Variants in PPM1E observed in about 807,000 individuals in gnomAD.
The protein encoded by PPM1E is protein phosphatase 1E.
PPM1E carries 20 observed loss-of-function variants against 65.9 expected under a neutral mutation model. The observed-to-expected ratio is 0.30, with a 90% confidence interval of 0.21 to 0.44. The LOEUF is 0.44. Among genes scored for constraint, PPM1E ranks in the 20% least tolerant of loss-of-function variants. PPM1E has a pLI of 1.00. For synonymous variants in PPM1E, 352 were observed against 374.9 expected (o/e 0.94, Z 0.70); for missense variants, 713 against 953.1 (o/e 0.75, Z 3.32).
intron 1 of PPM1E, among the ~76,000 whole-genome samples, chr17:58,889,382 C>T (rs1167414910): frequency 2.0e-5 from 3 of 151,994 alleles, no homozygotes; most frequent in African/African-American, 4.8e-5. Flanking sequence ...AGGCGAATCA[C>T]GAGGTCAGGA....
intron 1 of PPM1E, among the ~76,000 whole-genome samples, chr17:58,859,557 G>T (rs1218023575): frequency 6.6e-6 from 1 of 152,202 alleles, no homozygotes; most frequent in African/African-American, 2.4e-5. Flanking sequence ...TTGTCAGACT[G>T]TAAAGCAAAT....
chr17:58,870,524 T>TA (rs1051364401), intron 1 of PPM1E, among the ~76,000 whole-genome samples: 1 of 152,182 alleles, frequency 6.6e-6, no homozygotes, highest in African/African-American at 2.4e-5. Flanking sequence ...TTCCTTCTGT[T>TA]ATGTCCATGT....
At chr17:58,862,537 C>G (rs1029885360) in intron 1 of PPM1E, among the ~76,000 whole-genome samples, 2 of 152,134 alleles carry the variant, frequency 1.3e-5, no homozygotes, top group Non-Finnish European at 2.9e-5. Flanking sequence ...TAATTCATTA[C>G]TAGAATATAC....
intron 1 of PPM1E, among the ~76,000 whole-genome samples, chr17:58,824,836 C>A (rs2050517224): frequency 6.6e-6 from 1 of 151,274 alleles, no homozygotes; most frequent in South Asian, 2.1e-4. Context: ...TCTCAATCTC[C>A]TGACCTCGTG....
chr17:58,868,906 T>G (rs1029351606), intron 1 of PPM1E, among the ~76,000 whole-genome samples: 2 of 152,144 alleles, frequency 1.3e-5, no homozygotes, highest in Non-Finnish European at 2.9e-5. Context: ...ATGGCTCACA[T>G]CTGTAATCCC....
intron 1 of PPM1E, among the ~76,000 whole-genome samples, chr17:58,829,285 G>A (rs537602539): frequency 3.3e-5 from 5 of 151,982 alleles, no homozygotes; most frequent in East Asian, 1.9e-4. Flanking sequence ...CAGGTGATCC[G>A]TCTGCCTCGG....
intron 1 of PPM1E, among the ~76,000 whole-genome samples, chr17:58,900,200 G>C (rs2051481498): frequency 6.6e-6 from 1 of 152,166 alleles, no homozygotes; most frequent in African/African-American, 2.4e-5. Flanking sequence ...GGATTTGAGA[G>C]GATTAACTCC....
chr17:58,878,486 C>T (rs62083408), intron 1 of PPM1E, among the ~76,000 whole-genome samples: 56,681 of 150,964 alleles, frequency 0.38, 10,843 homozygotes, highest in Middle Eastern at 0.52. Context: ...TCAGGTGATC[C>T]GCCCACCTTG....
chr17:58,927,638 G>A (rs777179298), intron 1 of PPM1E, among the ~76,000 whole-genome samples: 1 of 152,122 alleles, frequency 6.6e-6, no homozygotes, highest in Non-Finnish European at 1.5e-5. Context: ...GGCCAGGGGT[G>A]TTGGCTCACT....
chr17:58,906,676 A>G (rs2051562052), intron 1 of PPM1E, among the ~76,000 whole-genome samples: 1 of 152,048 alleles, frequency 6.6e-6, no homozygotes, highest in Non-Finnish European at 1.5e-5. Flanking sequence ...ATGGGTACAT[A>G]GTAGGTATAT....
At position 58,982,572 on chromosome 17, in the gene PPM1E, G is replaced by A. The variant is rs538496695; in HGVS notation, c.*1541G>A. ...AGGACTAAAATCTCTGAATTTTAAA[G>A]ACACAGATGACTGGCATATTTTGGA... On this transcript the variant is annotated 3_prime_UTR_variant, in exon 7 of 7. Transcript: ENST00000308249. The A allele has an allele frequency of 4.0e-6, 1 of 251,370 alleles. No individual in the cohort carries two copies. The highest frequency in any genetic ancestry group is 2.3e-5 in the African/African-American group (1 of 44,376). The allele number at this position is 251,370 out of a possible 1,614,324, so 15.6% of individuals were successfully genotyped here.
At chr17:58,824,595 T>G (rs968471001) in intron 1 of PPM1E, among the ~76,000 whole-genome samples, 5 of 102,066 alleles carry the variant, frequency 4.9e-5, no homozygotes, top group Non-Finnish European at 7.2e-5. Flanking sequence ...CTTTCTGTTG[T>G]TTTTTTTTTT....
chr17:58,768,478 A>T (rs1204678062), intron 1 of PPM1E, among the ~76,000 whole-genome samples: 3 of 152,190 alleles, frequency 2.0e-5, no homozygotes, highest in African/African-American at 7.2e-5. Context: ...ACTAACTAGA[A>T]TAAACCTTCC....
chr17:58,894,858 ACTGTT>A (rs1169911102), intron 1 of PPM1E, among the ~76,000 whole-genome samples: 5 of 152,126 alleles, frequency 3.3e-5, no homozygotes, highest in African/African-American at 1.2e-4. Context: ...ATTCATTTCA[ACTGTT>A]CTGGAGTAAA....
At chr17:58,777,250 T>C (rs1447335588) in intron 1 of PPM1E, among the ~76,000 whole-genome samples, 2 of 152,154 alleles carry the variant, frequency 1.3e-5, no homozygotes, top group Non-Finnish European at 2.9e-5. Flanking sequence ...ATCATAGATA[T>C]GCCCAAACAT....
chr17:58,883,255 G>C (rs950973370), intron 1 of PPM1E, among the ~76,000 whole-genome samples: 2 of 151,864 alleles, frequency 1.3e-5, no homozygotes, highest in African/African-American at 4.8e-5. Context: ...ACCGCGCCCG[G>C]CCTGTTATTA....
chr17:58,763,288 C>G (rs1362798782), intron 1 of PPM1E, among the ~76,000 whole-genome samples: 1 of 152,066 alleles, frequency 6.6e-6, no homozygotes, highest in Non-Finnish European at 1.5e-5. Flanking sequence ...TTGCTCTAGG[C>G]ATCAACATTT....
At chr17:58,941,253 G>C (rs1485993179) in intron 1 of PPM1E, among the ~76,000 whole-genome samples, 1 of 152,146 alleles carries the variant, frequency 6.6e-6, no homozygotes, top group Non-Finnish European at 1.5e-5. Flanking sequence ...AAAGCATTTG[G>C]ATTTTAAAGG....
chr17:58,870,084 G>C (rs993105998), intron 1 of PPM1E, among the ~76,000 whole-genome samples: 1 of 152,110 alleles, frequency 6.6e-6, no homozygotes, highest in Non-Finnish European at 1.5e-5. Flanking sequence ...GACACACAGG[G>C]TATTCCCTAA....
Sources: allele counts gnomAD v4.1 joint callset (sites outside exome capture counted in the v4.1 genomes callset), GRCh38; gene constraint gnomAD v4.1.1; transcripts MANE v1.5; gene names NCBI Gene and HGNC (gene_info 2026-07-23, HGNC 2026-07-21).